The following WLS variants were observed in gnomAD, a reference collection of about 807,000 sequenced individuals.
WLS encodes Wnt ligand secretion mediator, also known as protein wntless homolog.
In WLS, 23 loss-of-function variants were observed where a neutral mutation model predicts 62.8. The ratio of observed to expected loss-of-function variants is 0.37; its 90% CI spans 0.26 to 0.52. The LOEUF is 0.52. WLS is among the 20% of genes least tolerant of loss of function. The pLI is 0.92. For synonymous variants in WLS, 246 were observed against 244.1 expected, an observed-to-expected ratio of 1.01 and a Z score of -0.07; for missense variants, 615 against 697.3, an observed-to-expected ratio of 0.88 and a Z score of 1.33.
In WLS at chr1:68,128,273, T is replaced by A. The variant is rs191717162; in HGVS notation, c.1517-1938A>T. On this transcript the variant is annotated intron_variant, in intron 11 of 11. Transcript: ENST00000262348. Reference sequence around the variant, plus strand: ...AACCACCACTTGTACAGTGAGCAACTACTCCCAGGCCAATAACTTGTATTC... The same window carrying A: ...AACCACCACTTGTACAGTGAGCAACAACTCCCAGGCCAATAACTTGTATTC... Among the ~76,000 whole-genome samples the A allele has an allele frequency of 2.0e-5, 3 of 152,336 alleles. No homozygotes were observed. In the East Asian group the frequency reaches 5.8e-4, roughly 29 times the overall value.
Position 68,137,882 on chromosome 1 carries a change from C to A in WLS, c.1414G>T (p.Ala472Ser). 1 of 1,613,990 alleles carries A rather than the reference C, an allele frequency of 6.2e-7. No individual in the cohort carries two copies. The highest frequency in any genetic ancestry group is 8.5e-7 in the Non-Finnish European group (1 of 1,179,910). The change falls in exon 11 of 12, where the codon GCC (alanine) becomes TCC (serine). Residue 472 changes from alanine to serine, a missense_variant. Ala to Ser is a moderately conservative substitution (Grantham distance 99). Transcript: ENST00000262348. ...ATCCCATAGATGCCTGTGAAAAAGG[C>A]ACTGTTCACTTGGACTGTGACGCCG... ...WGGVTVQVNSAFFTGIYGMWN... is the reference protein window; with the variant it reads ...WGGVTVQVNSSFFTGIYGMWN...
intron 11 of WLS, among the ~76,000 whole-genome samples, chr1:68,110,180 T>A (rs995241198): frequency 1.3e-5 from 2 of 151,800 alleles, no homozygotes; most frequent in East Asian, 1.9e-4. Flanking sequence ...AAGGAATATA[T>A]CTACAGATAG....
chr1:68,228,897 GTT>G (rs10713302), intron 1 of WLS, among the ~76,000 whole-genome samples: 22 of 90,530 alleles, frequency 2.4e-4, no homozygotes, highest in South Asian at 3.5e-4. Context: ...GTTTTTTTTT[GTT>G]TTTTTTTTTT....
At chr1:68,116,607 A>G (rs1368612864) in intron 11 of WLS, among the ~76,000 whole-genome samples, 1 of 152,206 alleles carries the variant, frequency 6.6e-6, no homozygotes, top group Admixed American at 6.5e-5. Context: ...ATAAATATCA[A>G]GTGATTAAAA....
chr1:68,127,410 G>A (rs1470060227), intron 11 of WLS, among the ~76,000 whole-genome samples: 1 of 152,112 alleles, frequency 6.6e-6, no homozygotes, highest in African/African-American at 2.4e-5. Flanking sequence ...CATTATCAGT[G>A]GACAGTGTTC....
chr1:68,133,038 T>G (rs1185508257), intron 11 of WLS, among the ~76,000 whole-genome samples: 2 of 127,372 alleles, frequency 1.6e-5, no homozygotes, highest in Non-Finnish European at 3.4e-5. Context: ...ACAACTGTCA[T>G]GAAAAGGCAG....
chr1:68,229,755 G>A (rs534342700), intron 1 of WLS, among the ~76,000 whole-genome samples: 37 of 152,270 alleles, frequency 2.4e-4, no homozygotes, highest in African/African-American at 8.7e-4. Flanking sequence ...GAAAGGCTAA[G>A]TCACTGTTCA....
Position 68,222,827 on chromosome 1 carries a change from G to A in WLS, c.106+9367C>T, listed in dbSNP as rs116479123. On this transcript the variant is annotated intron_variant, in intron 1 of 11. Transcript: ENST00000262348. ...ATTCAAGTAGCCACACTCATGGACA[G>A]TGACAAAATCCCACAGCTTTAGGGT... 8.4e-3 allele frequency among the ~76,000 whole-genome samples: 1,241 copies of A among 147,942 alleles called. 16 individuals are homozygous for A. Among genetic ancestry groups the A allele is most frequent in the African/African-American group, 0.03 (1,197 of 40,370 alleles).
chr1:68,105,835 C>A (rs541184630), intron 11 of WLS, among the ~76,000 whole-genome samples: 9 of 152,174 alleles, frequency 5.9e-5, no homozygotes, highest in Non-Finnish European at 1.2e-4. Context: ...TACCGTACAC[C>A]TAACACCAGA....
chr1:68,102,976 G>C (rs1193503204), intron 11 of WLS, among the ~76,000 whole-genome samples: 2 of 152,078 alleles, frequency 1.3e-5, no homozygotes, highest in African/African-American at 2.4e-5. Flanking sequence ...CCCTGGCAGT[G>C]CTCTGAACCC....
intron 2 of WLS, among the ~76,000 whole-genome samples, chr1:68,180,829 A>T (rs1358472523): frequency 2.0e-5 from 3 of 152,204 alleles, no homozygotes; most frequent in Middle Eastern, 6.3e-3. Context: ...CAAGAGAGAT[A>T]GATTCACTAT....
Position 68,208,070 on chromosome 1 carries a change from T to C in WLS, c.107-13843A>G, listed in dbSNP as rs539424089. Among the ~76,000 whole-genome samples, 36 of 152,332 alleles carry C rather than the reference T, an allele frequency of 2.4e-4. No individual in the cohort carries two copies. The South Asian group carries it at 4.1e-3, about 18-fold the overall frequency. Reference sequence around the variant, plus strand: ...CAGTGAACAGCCCCAATACCAGAGATGATTCTATACAAATTTTAACTGGAA... The same window carrying C: ...CAGTGAACAGCCCCAATACCAGAGACGATTCTATACAAATTTTAACTGGAA... On this transcript the variant is annotated intron_variant, in intron 1 of 11. Coordinates refer to ENST00000262348, the MANE Select transcript of WLS (RefSeq NM_024911.7).
At chr1:68,121,661 A>G (rs1243550588), downstream of WLS, among the ~76,000 whole-genome samples, 1 of 152,210 alleles carries the variant, frequency 6.6e-6, no homozygotes, top group Non-Finnish European at 1.5e-5. Flanking sequence ...CAGAAGACAA[A>G]GTACAGGCTC....
rs547545625 is a variant in WLS, at chr1:68,164,963, G to C, written c.380-5716C>G. 1.7e-4 allele frequency among the ~76,000 whole-genome samples: 26 copies of C among 152,274 alleles called. No individual in the cohort carries two copies. In the East Asian group the frequency reaches 4.1e-3, roughly 24 times the overall value. ...GAGTTGGTATCTCCCCTTGGTCAGGGACCAAGCTGGCTACAACTTCTCCCC... is the reference window on the plus strand; with the variant it reads ...GAGTTGGTATCTCCCCTTGGTCAGGCACCAAGCTGGCTACAACTTCTCCCC... On this transcript the variant is annotated intron_variant, in intron 2 of 11. Transcript: ENST00000262348.
intron 11 of WLS, among the ~76,000 whole-genome samples, chr1:68,113,759 A>G (rs546493419): frequency 3.1e-4 from 47 of 152,334 alleles, no homozygotes; most frequent in Admixed American, 1.4e-3. Flanking sequence ...ACTGCACTTT[A>G]CAATATGCTC....
intron 3 of WLS, among the ~76,000 whole-genome samples, chr1:68,158,778 G>T (rs1158443217): frequency 6.6e-6 from 1 of 152,070 alleles, no homozygotes; most frequent in Non-Finnish European, 1.5e-5. Flanking sequence ...AAAAACTGAA[G>T]CTCAGACAGA....
intron 2 of WLS, among the ~76,000 whole-genome samples, chr1:68,172,345 CTG>C (rs1647167195): frequency 2.7e-5 from 4 of 150,878 alleles, no homozygotes; most frequent in African/African-American, 7.3e-5. Context: ...GTTCCAAATG[CTG>C]TATATAAATA....
chr1:68,106,606 G>GGT (rs758977188), intron 11 of WLS, among the ~76,000 whole-genome samples: 3 of 152,176 alleles, frequency 2.0e-5, no homozygotes, highest in Non-Finnish European at 4.4e-5. Context: ...ACTGTTCAAT[G>GGT]GTGGCAGACA....
intron 2 of WLS, among the ~76,000 whole-genome samples, chr1:68,175,329 C>CCTCA (rs1647220779): frequency 6.6e-6 from 1 of 152,154 alleles, no homozygotes; most frequent in South Asian, 2.1e-4. Context: ...AGGCCCATGG[C>CCTCA]CATGCTACCA....
Sources: gnomAD v4.1 joint callset for allele counts (sites outside exome capture counted in the v4.1 genomes callset) on GRCh38, gnomAD v4.1.1 for gene constraint, MANE v1.5 for transcripts, NCBI Gene and HGNC (gene_info 2026-07-23, HGNC 2026-07-21) for gene names.